Variants in PEX26 observed in about 807,000 individuals in gnomAD.
PEX26 encodes peroxisome assembly protein 26.
In PEX26, 18 loss-of-function variants were observed where a neutral mutation model predicts 31.4. The ratio of observed to expected loss-of-function variants is 0.57; its 90% CI spans 0.40 to 0.85. PEX26 has a LOEUF of 0.85. Among genes scored for constraint, PEX26 ranks in the 40% least tolerant of loss-of-function variants. PEX26 has a pLI of 0.00. For synonymous variants in PEX26, 176 were observed against 166.9 expected (o/e 1.05, Z -0.42); for missense variants, 377 against 383.9 (o/e 0.98, Z 0.15).
In PEX26 at chr22:18,078,255, G is replaced by A. The variant is rs1051578101; in HGVS notation, c.-122G>A. 6.1e-5 allele frequency: 47 copies of A among 764,378 alleles called. No individual in the cohort carries two copies. Among genetic ancestry groups the A allele is most frequent in the Non-Finnish European group, 9.3e-5 (41 of 441,734 alleles). The allele number at this position is 764,378 out of a possible 1,614,324, so 47.3% of individuals were successfully genotyped here. ...TTCTCGGGGAATCGACCTCGGGAAG[G>A]GGTGTGGGCAAAGAGATGAGGACTC... On this transcript the variant is annotated 5_prime_UTR_variant, in exon 1 of 5. Transcript: ENST00000399744.
In PEX26 at chr22:18,094,566, A is replaced by G. The variant is rs1383859264; in HGVS notation, c.*6491A>G. 1 of 152,104 alleles carries G rather than the reference A, an allele frequency of 6.6e-6. No individual in the cohort carries two copies. Among genetic ancestry groups the G allele is most frequent in the African/African-American group, 2.4e-5 (1 of 41,432 alleles). The allele number at this position is 152,104 out of a possible 1,614,324, so 9.4% of individuals were successfully genotyped here. A position where few individuals can be genotyped will look rare whatever the true frequency, so the allele number is the denominator to read the frequency against. ...CATGGAGAAGTTTCTTAGGTGGAAA[A>G]CCGATTTGTATGGTCCTCAGAATGT... On this transcript the variant is annotated 3_prime_UTR_variant, in exon 5 of 5. Coordinates refer to ENST00000399744, the MANE Select transcript of PEX26 (RefSeq NM_001127649.3).
Position 18,093,965 on chromosome 22 carries a change from C to G in PEX26, c.*5890C>G, listed in dbSNP as rs980411484. On this transcript the variant is annotated 3_prime_UTR_variant, in exon 5 of 5. Coordinates refer to ENST00000399744, the MANE Select transcript of PEX26 (RefSeq NM_001127649.3). ...ATTGTGAAGTACAGTCCAAGGCCCA[C>G]TCACCAAGGGCTGGATCCAAATATG... 5 of 152,236 alleles carry G rather than the reference C, an allele frequency of 3.3e-5. No individual in the cohort carries two copies. Among genetic ancestry groups the G allele is most frequent in the African/African-American group, 1.2e-4 (5 of 41,428 alleles). The allele number at this position is 152,236 out of a possible 1,614,324, so 9.4% of individuals were successfully genotyped here.
Position 18,083,740 on chromosome 22 carries a change from A to C in PEX26, c.667+8A>C, listed in dbSNP as rs200880379. The C allele has an allele frequency of 1.2e-6, 2 of 1,613,442 alleles. No individual in the cohort carries two copies. Among genetic ancestry groups the C allele is most frequent in the Non-Finnish European group, 1.7e-6 (2 of 1,179,884 alleles). ...AGAAGCCAAACCTGGAAGGTAGGAC[A>C]TTATCCCTCTGCGACCTCTGTAAAG... is the stretch of plus-strand genomic sequence containing the variant. On this transcript the variant is annotated splice_region_variant and intron_variant, in intron 3 of 4. Transcript: ENST00000399744.
At chr22:18,087,767 T>G (rs1170201806) in intron 4 of PEX26, among the ~76,000 whole-genome samples, 1 of 152,160 alleles carries the variant, frequency 6.6e-6, no homozygotes, top group Non-Finnish European at 1.5e-5. Context: ...GAGGATCGCA[T>G]GAGCCCCAGA....
chr22:18,087,263 CGG>C (rs764897651), intron 4 of PEX26, among the ~76,000 whole-genome samples: 1 of 152,018 alleles, frequency 6.6e-6, no homozygotes, highest in Non-Finnish European at 1.5e-5. Context: ...TTAGTAGAGA[CGG>C]GGTTTCGCCA....
At position 18,090,447 on chromosome 22, in the gene PEX26, G is replaced by A. The variant is rs1927046973; in HGVS notation, c.*2372G>A. On this transcript the variant is annotated 3_prime_UTR_variant, in exon 5 of 5. Coordinates refer to ENST00000399744, the MANE Select transcript of PEX26 (RefSeq NM_001127649.3). The stretch of plus-strand genomic sequence containing the variant: ...TCGCACTGTTCCTACTGAAGGCCTA[G>A]CACCTGCTCTTGGCCTGGTGAGCCC... 6.6e-6 allele frequency: 1 copy of A among 152,282 alleles called. No homozygotes were observed. Among genetic ancestry groups the A allele is most frequent in the Non-Finnish European group, 1.5e-5 (1 of 68,078 alleles). 9.4% of individuals were successfully genotyped at this position (152,282 alleles called of 1,614,324 possible). A position where few individuals can be genotyped will look rare whatever the true frequency, so the allele number is the denominator to read the frequency against.
intron 2 of PEX26, among the ~76,000 whole-genome samples, chr22:18,080,285 C>T (rs895786723): frequency 1.3e-5 from 2 of 152,122 alleles, no homozygotes; most frequent in Non-Finnish European, 2.9e-5. Context: ...CAGCTTGCTA[C>T]GTCCTAGGAA....
In PEX26 at chr22:18,090,711, C is replaced by G. The variant is rs906878282; in HGVS notation, c.*2636C>G. 1.6e-5 allele frequency: 2 copies of G among 128,550 alleles called. No homozygotes were observed. Among genetic ancestry groups the G allele is most frequent in the African/African-American group, 5.8e-5 (2 of 34,756 alleles). The allele number at this position is 128,550 out of a possible 1,614,324, so 8.0% of individuals were successfully genotyped here. On this transcript the variant is annotated 3_prime_UTR_variant, in exon 5 of 5. Coordinates refer to ENST00000399744, the MANE Select transcript of PEX26 (RefSeq NM_001127649.3). ...GAAGCATGCAACATAGAACAGATAC[C>G]TTTAAATTTAGGGGCGCTAAGGAAA...
chr22:18,082,615 A>G (rs1031213969), intron 2 of PEX26, among the ~76,000 whole-genome samples: 1 of 152,132 alleles, frequency 6.6e-6, no homozygotes, highest in African/African-American at 2.4e-5. Flanking sequence ...TTTGTGTAGT[A>G]TGGTTTGAAG....
chr22:18,080,164 A>G, intron 2 of PEX26, 150 bp downstream of exon 2: 2 of 819,998 alleles, frequency 2.4e-6, no homozygotes, highest in Non-Finnish European at 4.1e-6. Flanking sequence ...ACTTCCATAC[A>G]TAGCAATAAA....
At position 18,095,470 on chromosome 22, in the gene PEX26, C is replaced by T. The variant is rs377456870; in HGVS notation, c.*7395C>T. 2.0e-5 allele frequency: 3 copies of T among 152,258 alleles called. No homozygotes were observed. The East Asian group carries it at 5.8e-4, about 30-fold the overall frequency. The allele number at this position is 152,258 out of a possible 1,614,324, so 9.4% of individuals were successfully genotyped here. ...TTTTTGGTCGCCCCACCAGAGACATCCTACCCATTCCCAGTCCCTCTGTGG... is the reference window on the plus strand; with the variant it reads ...TTTTTGGTCGCCCCACCAGAGACATTCTACCCATTCCCAGTCCCTCTGTGG... On this transcript the variant is annotated 3_prime_UTR_variant, in exon 5 of 5. Transcript: ENST00000399744.
chr22:18,079,850 T>C (rs1302570999), intron 1 of PEX26, 24 bp from the exon 2 acceptor site: 1 of 1,613,942 alleles, frequency 6.2e-7, no homozygotes, highest in South Asian at 1.1e-5. Flanking sequence ...CACTTCTAAC[T>C]GAAATTGGTT....
At chr22:18,085,397 A>G (rs1391953535) in intron 4 of PEX26, 139 bp downstream of exon 4, 8 of 917,580 alleles carry the variant, frequency 8.7e-6, no homozygotes, top group South Asian at 1.4e-5. Flanking sequence ...CTGTTCCACA[A>G]GGAGGAATTG....
In PEX26 at chr22:18,091,201, A is replaced by G. The variant is rs1043278; in HGVS notation, c.*3126A>G. 0.11 allele frequency: 16,276 copies of G among 152,250 alleles called. 1,089 individuals are homozygous for G. Among genetic ancestry groups the G allele is most frequent in the Admixed American group, 0.2 (2,990 of 15,288 alleles). The allele number at this position is 152,250 out of a possible 1,614,324, so 9.4% of individuals were successfully genotyped here. On this transcript the variant is annotated 3_prime_UTR_variant, in exon 5 of 5. Coordinates refer to ENST00000399744, the MANE Select transcript of PEX26 (RefSeq NM_001127649.3). ...TTTCTACTCCCGCTCTCTATTCCCC[A>G]GTTTCTTGCCCAGAGGCAACCCTTG...
chr22:18,093,702 C>G lies in PEX26; in HGVS notation c.*5627C>G, dbSNP rs117032481. 1 of 152,196 alleles carries G rather than the reference C, an allele frequency of 6.6e-6. No individual in the cohort carries two copies. Among genetic ancestry groups the G allele is most frequent in the Non-Finnish European group, 1.5e-5 (1 of 68,046 alleles). The allele number at this position is 152,196 out of a possible 1,614,324, so 9.4% of individuals were successfully genotyped here. A position where few individuals can be genotyped will look rare whatever the true frequency, so the allele number is the denominator to read the frequency against. On this transcript the variant is annotated 3_prime_UTR_variant, in exon 5 of 5. Transcript: ENST00000399744. ...AACCCTCTGGTGTCTGATTGTGTATCTAGCAACATTGCAGTATGAAGAAAA... is the reference window on the plus strand; with the variant it reads ...AACCCTCTGGTGTCTGATTGTGTATGTAGCAACATTGCAGTATGAAGAAAA...
chr22:18,095,623 T>C lies in PEX26; in HGVS notation c.*7548T>C, dbSNP rs887112855. On this transcript the variant is annotated 3_prime_UTR_variant, in exon 5 of 5. Transcript: ENST00000399744. ...ATTTCATGGTCTCCATGGTGACAAG[T>C]GCTTGTTTTCAGAGGTGCTAAAGAC... is the stretch of plus-strand genomic sequence containing the variant. The C allele has an allele frequency of 1.3e-5, 2 of 152,134 alleles. No homozygotes were observed. The highest frequency in any genetic ancestry group is 4.8e-5 in the African/African-American group (2 of 41,406). The allele number at this position is 152,134 out of a possible 1,614,324, so 9.4% of individuals were successfully genotyped here.
chr22:18,092,829 G>GGT lies in PEX26; in HGVS notation c.*4755_*4756insTG. 1 of 102,058 alleles carries GGT rather than the reference G, an allele frequency of 9.8e-6. No individual in the cohort carries two copies. The highest frequency in any genetic ancestry group is 7.6e-3 in the Middle Eastern group (1 of 132). 6.3% of individuals were successfully genotyped at this position (102,058 alleles called of 1,614,324 possible). On this transcript the variant is annotated 3_prime_UTR_variant, in exon 5 of 5. Coordinates refer to ENST00000399744, the MANE Select transcript of PEX26 (RefSeq NM_001127649.3). ...GGACCCCATTTCTTTTTTTTGGGGG[G>GGT]GGGGTGGGTTATAAAAGCCCTTTTA...
Position 18,078,535 on chromosome 22 carries a change from G to C in PEX26, c.159G>C (p.Ala53=). ...TGGTGGTGCACCTGGACTTCCGGGC[G>C]GCGCTGGAGACCTGCGAGCGGGCCT... is the stretch of plus-strand genomic sequence containing the variant. ...DLLVVHLDFR[A]ALETCERAWQ... is the part of the protein sequence containing the mutation. Residue 53 remains alanine, a synonymous_variant, in exon 1 of 5, where the codon GCG becomes GCC. Transcript: ENST00000399744. 1 of 1,581,610 alleles carries C rather than the reference G, an allele frequency of 6.3e-7. No homozygotes were observed. Among genetic ancestry groups the C allele is most frequent in the Non-Finnish European group, 8.6e-7 (1 of 1,166,898 alleles).
rs1413928344 is a variant in PEX26 at position 18,093,583 on chromosome 22, T to C, written c.*5508T>C. ...GTCTTAAAAAAAAAAAAAACAAAAA[T>C]AAACCTTTTAAATAAAGTGGTTACA... On this transcript the variant is annotated 3_prime_UTR_variant, in exon 5 of 5. Transcript: ENST00000399744. 1 of 148,090 alleles carries C rather than the reference T, an allele frequency of 6.8e-6. No individual in the cohort carries two copies. Among genetic ancestry groups the C allele is most frequent in the South Asian group, 2.2e-4 (1 of 4,598 alleles). 9.2% of individuals were successfully genotyped at this position (148,090 alleles called of 1,614,324 possible).
Sources: gnomAD v4.1 joint callset for allele counts (sites outside exome capture counted in the v4.1 genomes callset) on GRCh38, gnomAD v4.1.1 for gene constraint, MANE v1.5 for transcripts, NCBI Gene and HGNC (gene_info 2026-07-23, HGNC 2026-07-21) for gene names.